ANKDD1A: variants seen among roughly 807,000 people sequenced by gnomAD.
ANKDD1A encodes ankyrin repeat and death domain containing 1A, also known as ankyrin repeat and death domain-containing protein 1A.
In ANKDD1A, 59 loss-of-function variants were observed where a neutral mutation model predicts 63.5. The observed-to-expected ratio is 0.93, with a 90% confidence interval of 0.75 to 1.15. ANKDD1A has a LOEUF of 1.15. Among genes scored for constraint, ANKDD1A ranks in the 50% most tolerant of loss-of-function variants. The pLI is 0.00. For synonymous variants in ANKDD1A, 266 were observed against 263.9 expected, an observed-to-expected ratio of 1.01 and a Z score of -0.08; for missense variants, 632 against 656.4, an observed-to-expected ratio of 0.96 and a Z score of 0.41.
chr15:64,956,170 A>G (rs1258802951), intron 14 of ANKDD1A, among the ~76,000 whole-genome samples: 4 of 152,020 alleles, frequency 2.6e-5, no homozygotes, highest in Non-Finnish European at 5.9e-5. Context: ...CACCATTTTT[A>G]GAGAAAAAGC....
intron 9 of ANKDD1A, among the ~76,000 whole-genome samples, chr15:64,939,298 CA>C (rs1269330080): frequency 1.3e-5 from 2 of 151,904 alleles, no homozygotes; most frequent in African/African-American, 2.4e-5. Context: ...GATCCTGTCT[CA>C]AAACAAAAAA....
intron 14 of ANKDD1A, among the ~76,000 whole-genome samples, chr15:64,951,845 TTCTTC>T (rs1224376923): frequency 2.4e-3 from 86 of 36,340 alleles, no homozygotes; most frequent in Admixed American, 0.01. Context: ...TTATTCTTTC[TTCTTC>T]TTTCTTCTTC....
At chr15:64,952,648 T>TCTTTCTTCTTCCTTCTCTTC (rs587634921) in intron 14 of ANKDD1A, among the ~76,000 whole-genome samples, 1 of 141,768 alleles carries the variant, frequency 7.1e-6, no homozygotes. Context: ...TTCTTCTCCT[T>TCTTTCTTCTTCCTTCTCTTC]CTCCTTCTTC....
chr15:64,917,355 C>T (rs2084975309), intron 2 of ANKDD1A, 31 bp from the exon 3 acceptor site: 2 of 1,577,436 alleles, frequency 1.3e-6, no homozygotes, highest in African/African-American at 2.7e-5. Context: ...GTGGCAGCAG[C>T]ACCTGACAAG....
At chr15:64,952,230 TCC>T (rs1210549954) in intron 14 of ANKDD1A, among the ~76,000 whole-genome samples, 8,164 of 148,884 alleles carry the variant, frequency 0.055, 761 homozygotes, top group African/African-American at 0.2. Context: ...TTCCTTCTCC[TCC>T]TTTCTTCTTC....
chr15:64,950,748 C>G (rs982164924), intron 14 of ANKDD1A: 9 of 377,488 alleles, frequency 2.4e-5, no homozygotes, highest in South Asian at 2.1e-4. Flanking sequence ...CCCCCCCCCC[C>G]CCATAGCTGC....
intron 1 of ANKDD1A, among the ~76,000 whole-genome samples, chr15:64,913,595 G>T (rs2084948099): frequency 6.6e-6 from 1 of 152,126 alleles, no homozygotes; most frequent in South Asian, 2.1e-4. Context: ...CTGTGTGATT[G>T]CCCCCCAGGG....
chr15:64,954,877 C>CCTT (rs143108176), intron 14 of ANKDD1A, among the ~76,000 whole-genome samples: 129,246 of 145,976 alleles, frequency 0.89, 58,662 homozygotes, highest in Non-Finnish European at 0.97. Context: ...TTTTCTTCTT[C>CCTT]CTTCTCCTCC....
chr15:64,950,668 A>G (rs1054589831), intron 14 of ANKDD1A: 16 of 981,140 alleles, frequency 1.6e-5, no homozygotes, highest in Middle Eastern at 5.2e-4. Flanking sequence ...CTCCTGACAT[A>G]TTTCTAGTAT....
intron 14 of ANKDD1A, chr15:64,951,392 T>G: frequency 3.8e-6 from 1 of 264,858 alleles, no homozygotes; most frequent in Non-Finnish European, 4.9e-6. Context: ...TCTTTTCTTC[T>G]TCCTCTTTTT....
Position 64,930,206 on chromosome 15 carries a change from G to T in ANKDD1A, c.571-616G>T, listed in dbSNP as rs755421949. 2.6e-5 allele frequency among the ~76,000 whole-genome samples: 4 copies of T among 151,336 alleles called. No homozygotes were observed. In the South Asian group the frequency reaches 8.3e-4, roughly 31 times the overall value. On this transcript the variant is annotated intron_variant, in intron 6 of 14. Coordinates refer to ENST00000319580, the MANE Select transcript of ANKDD1A (RefSeq NM_182703.6). ...CAAACCACCAATGCACACGTTTACCGATGTAACAAACCTGCACATTCTGCA... is the reference window on the plus strand; with the variant it reads ...CAAACCACCAATGCACACGTTTACCTATGTAACAAACCTGCACATTCTGCA...
rs1388281354 is a variant in ANKDD1A at position 64,926,141 on chromosome 15, G to A, written c.442G>A (p.Glu148Lys). The A allele has an allele frequency of 3.7e-6, 6 of 1,614,062 alleles. No individual in the cohort carries two copies. Among genetic ancestry groups the A allele is most frequent in the Non-Finnish European group, 5.1e-6 (6 of 1,179,990 alleles). The change falls in exon 5 of 15, where the codon GAG (glutamate) becomes AAG (lysine). Residue 148 changes from glutamate to lysine, a missense_variant. Coordinates refer to ENST00000319580, the MANE Select transcript of ANKDD1A (RefSeq NM_182703.6). ...GCTGGCGTTCATAATGGAGGACCTG[G>A]AGGATGTGGCCCTGGACCACGTAGA... ...PVLAFIMEDL[E>K]DVALDHVDKL...
rs2085429939 is a variant in ANKDD1A at position 64,957,613 on chromosome 15, T to C, written c.*425T>C. On this transcript the variant is annotated 3_prime_UTR_variant, in exon 15 of 15. Coordinates refer to ENST00000319580, the MANE Select transcript of ANKDD1A (RefSeq NM_182703.6). ...TAATTTTTATTCTTTTTTCTCCTGA[T>C]TATTTGACAAAACTTGTATCCACAT... 1.3e-5 allele frequency: 2 copies of C among 152,990 alleles called. No homozygotes were observed. The highest frequency in any genetic ancestry group is 4.8e-5 in the African/African-American group (2 of 41,466). 9.5% of individuals were successfully genotyped at this position (152,990 alleles called of 1,614,324 possible). A position where few individuals can be genotyped will look rare whatever the true frequency, so the allele number is the denominator to read the frequency against.
At position 64,949,912 on chromosome 15, in the gene ANKDD1A, G is replaced by A; in HGVS notation, c.1423G>A (p.Glu475Lys). 1 of 1,608,738 alleles carries A rather than the reference G, an allele frequency of 6.2e-7. No homozygotes were observed. Among genetic ancestry groups the A allele is most frequent in the South Asian group, 1.1e-5 (1 of 91,076 alleles). ...GCTGCATGGCGTGGCCACGGCTGGT[G>A]AGAACCCCAGCAAAGCGCTGTTCGA... ...IWLHGVATAG[E>K]NPSKALFEGL... The change falls in exon 14 of 15, where the codon GAG becomes AAG. Residue 475 changes from glutamate (E) to lysine (K), a missense_variant. Coordinates refer to ENST00000319580, the MANE Select transcript of ANKDD1A (RefSeq NM_182703.6).
At chr15:64,951,471 C>CT (rs1555366905) in intron 14 of ANKDD1A, 1 of 20,042 alleles carries the variant, frequency 5.0e-5, no homozygotes, top group Non-Finnish European at 9.3e-5. Flanking sequence ...TCTCTTTTTT[C>CT]TTTTCTTCTT....
intron 4 of ANKDD1A, among the ~76,000 whole-genome samples, chr15:64,924,603 G>A (rs1322951434): frequency 6.6e-6 from 1 of 152,210 alleles, no homozygotes; most frequent in Non-Finnish European, 1.5e-5. Context: ...TACCTTGCCA[G>A]GCATTGGTGA....
At chr15:64,931,372 A>C in intron 7 of ANKDD1A, 115 bp from the exon 8 acceptor site, 1 of 873,410 alleles carries the variant, frequency 1.1e-6, no homozygotes, top group Non-Finnish European at 1.8e-6. Context: ...AGGGCAGTGG[A>C]GAGCTCAAGG....
intron 11 of ANKDD1A, 137 bp downstream of exon 11, chr15:64,943,719 C>T (rs1461225456): frequency 5.1e-6 from 4 of 778,102 alleles, no homozygotes; most frequent in South Asian, 1.6e-5. Flanking sequence ...AGCTCAAATG[C>T]AGCCTCCTCC....
intron 14 of ANKDD1A, among the ~76,000 whole-genome samples, chr15:64,956,868 A>C (rs1010874182): frequency 6.6e-6 from 1 of 152,154 alleles, no homozygotes; most frequent in African/African-American, 2.4e-5. Flanking sequence ...TGGATTCTTA[A>C]AACTTAAGAA....
Sources: gnomAD v4.1 joint callset for allele counts (sites outside exome capture counted in the v4.1 genomes callset) on GRCh38, gnomAD v4.1.1 for gene constraint, MANE v1.5 for transcripts, NCBI Gene and HGNC (gene_info 2026-07-23, HGNC 2026-07-21) for gene names.